NRXN3: variants seen among roughly 807,000 people sequenced by gnomAD.
The protein encoded by NRXN3 is neurexin 3.
A neutral mutation model predicts 137.6 loss-of-function variants in NRXN3; 32 were observed. The ratio of observed to expected loss-of-function variants is 0.23; its 90% CI spans 0.18 to 0.31. The LOEUF is 0.31. Ranked by LOEUF, NRXN3 falls within the 10% of genes least tolerant of loss-of-function variation. The pLI is 1.00. For synonymous variants in NRXN3, 798 were observed against 784.5 expected, an observed-to-expected ratio of 1.02 and a Z score of -0.29; for missense variants, 1,574 against 2,062.5, an observed-to-expected ratio of 0.76 and a Z score of 4.59.
intron 10 of NRXN3, among the ~76,000 whole-genome samples, chr14:78,833,543 A>G (rs1465853623): frequency 2.0e-5 from 3 of 152,178 alleles, no homozygotes; most frequent in Admixed American, 6.5e-5. Flanking sequence ...TCCTAAGACT[A>G]TTTTAATAAG....
intron 15 of NRXN3, among the ~76,000 whole-genome samples, chr14:79,361,735 G>C (rs1004536017): frequency 1.3e-5 from 2 of 152,050 alleles, no homozygotes; most frequent in Non-Finnish European, 2.9e-5. Flanking sequence ...ACCCATACCT[G>C]AAATGTTTAA....
chr14:78,318,086 G>C (rs992085359), intron 4 of NRXN3, among the ~76,000 whole-genome samples: 3 of 152,108 alleles, frequency 2.0e-5, no homozygotes, highest in Non-Finnish European at 2.9e-5. Context: ...GGAAATTTGG[G>C]GGTGTATATT....
At chr14:79,215,687 TC>T (rs1405815020) in intron 15 of NRXN3, among the ~76,000 whole-genome samples, 2 of 151,956 alleles carry the variant, frequency 1.3e-5, no homozygotes, top group Non-Finnish European at 2.9e-5. Context: ...TCCCACTGAG[TC>T]CCTCCCGCAA....
In NRXN3 at chr14:79,300,179, A is replaced by G. The variant is rs115034701; in HGVS notation, c.3263-167042A>G. Among the ~76,000 whole-genome samples the G allele has an allele frequency of 2.3e-3, 348 of 152,144 alleles. 1 individual carries two copies. Among genetic ancestry groups the G allele is most frequent in the African/African-American group, 7.7e-3 (321 of 41,556 alleles). ...AGCATTTCATCCTCAATGACATTCAAATGTTAAGTAATCTGCTCTAGGTCA... is the reference window on the plus strand; with the variant it reads ...AGCATTTCATCCTCAATGACATTCAGATGTTAAGTAATCTGCTCTAGGTCA... On this transcript the variant is annotated intron_variant, in intron 15 of 20. Coordinates refer to ENST00000335750, the MANE Select transcript of NRXN3 (RefSeq NM_001330195.2).
intron 16 of NRXN3, among the ~76,000 whole-genome samples, chr14:79,650,291 T>A (rs1004294654): frequency 5.9e-5 from 9 of 152,178 alleles, no homozygotes. Context: ...TCAATGACTG[T>A]CTGTGGATAT....
chr14:79,766,519 C>G (rs2139600321), intron 19 of NRXN3, among the ~76,000 whole-genome samples: 1 of 152,306 alleles, frequency 6.6e-6, no homozygotes, highest in South Asian at 2.1e-4. Flanking sequence ...AATCTGCTAC[C>G]TACGACCACT....
In NRXN3 at chr14:79,173,378, C is replaced by T. The variant is rs556388865; in HGVS notation, c.3262+185237C>T. On this transcript the variant is annotated intron_variant, in intron 15 of 20. Coordinates refer to ENST00000335750, the MANE Select transcript of NRXN3 (RefSeq NM_001330195.2). Reference sequence around the variant, plus strand: ...GACCCTATCTTTACACAGGCACACACGCACATAGCTGGGCATGGTAGTGTG... The same window carrying T: ...GACCCTATCTTTACACAGGCACACATGCACATAGCTGGGCATGGTAGTGTG... Among the ~76,000 whole-genome samples the T allele has an allele frequency of 6.5e-4, 99 of 151,576 alleles. 1 individual carries two copies. The highest frequency in any genetic ancestry group is 2.1e-3 in the African/African-American group (85 of 41,352).
chr14:79,284,391 T>C (rs1201425338), intron 15 of NRXN3, among the ~76,000 whole-genome samples: 1 of 136,812 alleles, frequency 7.3e-6, no homozygotes, highest in Non-Finnish European at 1.6e-5. Flanking sequence ...TATATGTATC[T>C]CCAATGTACA....
At chr14:79,276,696 G>T (rs2080325597) in intron 15 of NRXN3, among the ~76,000 whole-genome samples, 1 of 147,714 alleles carries the variant, frequency 6.8e-6, no homozygotes, top group Non-Finnish European at 1.5e-5. Context: ...AGTCTCCAAT[G>T]CTCAATGCCA....
intron 15 of NRXN3, among the ~76,000 whole-genome samples, chr14:79,102,114 G>C (rs2051433280): frequency 6.6e-6 from 1 of 152,108 alleles, no homozygotes; most frequent in Non-Finnish European, 1.5e-5. Context: ...CTGGTCTCCA[G>C]AACTGTGAAA....
chr14:78,467,320 A>G (rs949849020), intron 4 of NRXN3, among the ~76,000 whole-genome samples: 5 of 152,258 alleles, frequency 3.3e-5, no homozygotes, highest in Admixed American at 6.5e-5. Context: ...TATATTTGTT[A>G]TAAATTTCTC....
At chr14:79,666,753 A>G (rs1307829837) in intron 17 of NRXN3, among the ~76,000 whole-genome samples, 1 of 152,084 alleles carries the variant, frequency 6.6e-6, no homozygotes, top group Non-Finnish European at 1.5e-5. Flanking sequence ...TCCAATGATC[A>G]CACAAAAGTG....
intron 10 of NRXN3, among the ~76,000 whole-genome samples, chr14:78,925,720 G>A (rs220103): frequency 0.28 from 41,944 of 151,972 alleles, 8,680 homozygotes; most frequent in African/African-American, 0.57. Flanking sequence ...CACAGCTTCC[G>A]CATGGAGCCA....
At chr14:78,843,122 C>T (rs1346235608) in intron 10 of NRXN3, among the ~76,000 whole-genome samples, 3 of 152,030 alleles carry the variant, frequency 2.0e-5, no homozygotes, top group Admixed American at 6.6e-5. Flanking sequence ...AAGTGATAAG[C>T]GTCCATGAAA....
chr14:79,474,107 A>T (rs920913234), intron 16 of NRXN3, among the ~76,000 whole-genome samples: 10 of 152,304 alleles, frequency 6.6e-5, no homozygotes, highest in African/African-American at 2.2e-4. Flanking sequence ...GAAACCAAAA[A>T]AAAGTTGGAT....
chr14:79,005,826 A>G (rs1233412338), intron 15 of NRXN3, among the ~76,000 whole-genome samples: 1 of 151,864 alleles, frequency 6.6e-6, no homozygotes, highest in Non-Finnish European at 1.5e-5. Context: ...TTTTACTTGT[A>G]CATTTCTTAG....
intron 4 of NRXN3, among the ~76,000 whole-genome samples, chr14:78,467,560 C>T (rs991083390): frequency 2.6e-5 from 4 of 152,198 alleles, no homozygotes; most frequent in African/African-American, 9.7e-5. Flanking sequence ...AGTCTTTCCC[C>T]ACTTTTCTCT....
chr14:78,288,888 T>C (rs905098855), intron 3 of NRXN3, among the ~76,000 whole-genome samples: 1 of 152,234 alleles, frequency 6.6e-6, no homozygotes, highest in Non-Finnish European at 1.5e-5. Context: ...CTCATGGGCA[T>C]GATAGGAAGA....
chr14:78,411,609 T>G (rs1002494705), intron 4 of NRXN3, among the ~76,000 whole-genome samples: 3 of 152,370 alleles, frequency 2.0e-5, no homozygotes, highest in Admixed American at 1.3e-4. Context: ...TTTTGCAATT[T>G]AAAACATCAC....
Sources: gnomAD v4.1 joint callset for allele counts (sites outside exome capture counted in the v4.1 genomes callset) on GRCh38, gnomAD v4.1.1 for gene constraint, MANE v1.5 for transcripts, NCBI Gene and HGNC (gene_info 2026-07-23, HGNC 2026-07-21) for gene names.